Variants in KIAA1328 observed in about 807,000 individuals in gnomAD.
The protein encoded by KIAA1328 is KIAA1328.
Under a neutral mutation model 68.1 loss-of-function variants are expected in KIAA1328, and 52 were observed. The ratio of observed to expected loss-of-function variants is 0.76; its 90% CI spans 0.61 to 0.96. The LOEUF is 0.96. KIAA1328 is among the 40% of genes least tolerant of loss of function. The pLI is 0.00. For synonymous variants in KIAA1328, 232 were observed against 239.4 expected (o/e 0.97, Z 0.28); for missense variants, 641 against 677.6 (o/e 0.95, Z 0.60).
At chr18:36,844,692 T>C (rs995699261) in intron 4 of KIAA1328, among the ~76,000 whole-genome samples, 1 of 151,954 alleles carries the variant, frequency 6.6e-6, no homozygotes, top group African/African-American at 2.4e-5. Flanking sequence ...AGAATATCTA[T>C]TATTGCCTTG....
At chr18:37,010,485 A>AATTG (rs1167367713) in intron 6 of KIAA1328, among the ~76,000 whole-genome samples, 4 of 149,992 alleles carry the variant, frequency 2.7e-5, no homozygotes, top group African/African-American at 9.8e-5. Context: ...TCCTAAAAGG[A>AATTG]ATTGATACCA....
intron 7 of KIAA1328, chr18:37,074,719 T>C (rs1002280792): frequency 1.1e-4 from 17 of 157,864 alleles, no homozygotes; most frequent in Non-Finnish European, 1.9e-4. Context: ...AGTTTTCAAC[T>C]TCTTTGCCTT....
intron 6 of KIAA1328, among the ~76,000 whole-genome samples, chr18:36,988,746 T>C (rs1457662659): frequency 6.6e-6 from 1 of 152,194 alleles, no homozygotes; most frequent in Non-Finnish European, 1.5e-5. Flanking sequence ...GTTAATCTTA[T>C]ACATATAATT....
At chr18:37,060,034 G>T (rs2056086131) in intron 6 of KIAA1328, among the ~76,000 whole-genome samples, 2 of 152,068 alleles carry the variant, frequency 1.3e-5, no homozygotes, top group South Asian at 4.2e-4. Context: ...GGGAGGGATA[G>T]CATTAGGAAA....
intron 3 of KIAA1328, among the ~76,000 whole-genome samples, chr18:36,837,688 A>AT (rs992294980): frequency 1.3e-5 from 2 of 151,484 alleles, no homozygotes; most frequent in Middle Eastern, 3.2e-3. Context: ...ATTTGTGCCT[A>AT]TTTTTTTTCT....
chr18:37,052,018 G>A (rs757042674), intron 6 of KIAA1328, among the ~76,000 whole-genome samples: 2 of 151,682 alleles, frequency 1.3e-5, no homozygotes, highest in African/African-American at 2.4e-5. Flanking sequence ...CTTTGGCCTA[G>A]GTGACACAGC....
At chr18:37,169,844 A>T (rs1030404345) in intron 8 of KIAA1328, among the ~76,000 whole-genome samples, 8 of 152,238 alleles carry the variant, frequency 5.3e-5, no homozygotes, top group Non-Finnish European at 1.0e-4. Flanking sequence ...GTTGTGCCTT[A>T]CAATTATGAG....
At chr18:37,117,827 G>A (rs544416690) in intron 7 of KIAA1328, among the ~76,000 whole-genome samples, 1 of 151,164 alleles carries the variant, frequency 6.6e-6, no homozygotes, top group East Asian at 1.9e-4. Flanking sequence ...TGCATCTCAC[G>A]TTAGATGATA....
At chr18:37,228,270 G>A (rs1464691098), downstream of KIAA1328, among the ~76,000 whole-genome samples, 1 of 152,182 alleles carries the variant, frequency 6.6e-6, no homozygotes, top group East Asian at 1.9e-4. Flanking sequence ...TTAGAATATT[G>A]TATAAATTTA....
intron 4 of KIAA1328, among the ~76,000 whole-genome samples, chr18:36,876,670 A>G (rs2048139699): frequency 6.6e-6 from 1 of 151,930 alleles, no homozygotes; most frequent in African/African-American, 2.4e-5. Context: ...CATGTCTCTT[A>G]TCTCCTTCGT....
intron 9 of KIAA1328, among the ~76,000 whole-genome samples, chr18:37,198,471 T>C (rs2060044713): frequency 6.6e-6 from 1 of 152,188 alleles, no homozygotes; most frequent in African/African-American, 2.4e-5. Flanking sequence ...ATTGGTGAGT[T>C]TGATCATTTC....
chr18:37,078,778 A>G (rs1195269030), intron 7 of KIAA1328, among the ~76,000 whole-genome samples: 2 of 151,136 alleles, frequency 1.3e-5, no homozygotes, highest in Non-Finnish European at 2.9e-5. Context: ...AACCACAATG[A>G]GATACCATCT....
intron 5 of KIAA1328, among the ~76,000 whole-genome samples, chr18:36,917,126 C>T (rs1379992222): frequency 6.6e-6 from 1 of 152,144 alleles, no homozygotes; most frequent in African/African-American, 2.4e-5. Flanking sequence ...ATTTTTATAA[C>T]AAAGTCTTTC....
At chr18:37,146,426 C>G (rs529513660) in intron 7 of KIAA1328, among the ~76,000 whole-genome samples, 2 of 152,258 alleles carry the variant, frequency 1.3e-5, no homozygotes, top group East Asian at 3.9e-4. Flanking sequence ...TGATCTTCTT[C>G]TTTTTATTGC....
intron 5 of KIAA1328, among the ~76,000 whole-genome samples, chr18:36,904,892 TG>T (rs1274394702): frequency 2.0e-5 from 3 of 152,030 alleles, no homozygotes; most frequent in Non-Finnish European, 4.4e-5. Context: ...TAGTGGTTGC[TG>T]TAAGGCGTAT....
chr18:37,159,605 G>A (rs991279451), intron 7 of KIAA1328, among the ~76,000 whole-genome samples: 2 of 152,156 alleles, frequency 1.3e-5, no homozygotes, highest in Non-Finnish European at 2.9e-5. Flanking sequence ...CGGTTTATTA[G>A]AGAAGAAAAT....
chr18:37,046,293 T>C (rs987416876), intron 6 of KIAA1328, among the ~76,000 whole-genome samples: 2 of 152,234 alleles, frequency 1.3e-5, no homozygotes, highest in Non-Finnish European at 2.9e-5. Flanking sequence ...AGTCAGGGAC[T>C]GAATTAATTT....
chr18:37,107,878 A>G (rs77974357), intron 7 of KIAA1328, among the ~76,000 whole-genome samples: 1 of 151,506 alleles, frequency 6.6e-6, no homozygotes, highest in Non-Finnish European at 1.5e-5. Flanking sequence ...AAAAAAAAAA[A>G]CAGATGCTGG....
chr18:36,989,969 A>C (rs1012430885), intron 6 of KIAA1328, among the ~76,000 whole-genome samples: 1 of 152,182 alleles, frequency 6.6e-6, no homozygotes, highest in Non-Finnish European at 1.5e-5. Flanking sequence ...CTGGGAGTAC[A>C]GGTGTGAGCC....
Sources: gnomAD v4.1 joint callset for allele counts (sites outside exome capture counted in the v4.1 genomes callset) on GRCh38, gnomAD v4.1.1 for gene constraint, MANE v1.5 for transcripts, NCBI Gene and HGNC (gene_info 2026-07-23, HGNC 2026-07-21) for gene names.